Variants in C9orf85 observed in about 807,000 individuals in gnomAD.
The protein encoded by C9orf85 is chromosome 9 open reading frame 85.
A neutral mutation model predicts 14.9 loss-of-function variants in C9orf85; 16 were observed. The ratio of observed to expected loss-of-function variants is 1.08; its 90% CI spans 0.73 to 1.63. The LOEUF is 1.63. C9orf85 is among the 40% of genes most tolerant of loss of function. The pLI is 0.00. For synonymous variants in C9orf85, 45 were observed against 56.8 expected, an observed-to-expected ratio of 0.79 and a Z score of 0.93; for missense variants, 172 against 186.1, an observed-to-expected ratio of 0.92 and a Z score of 0.44.
chr9:71,930,160 A>G (rs944686782), intron 1 of C9orf85, among the ~76,000 whole-genome samples: 5 of 152,152 alleles, frequency 3.3e-5, no homozygotes, highest in Admixed American at 6.5e-5. Context: ...TAGATAAATA[A>G]TTCTTCCCTA....
In C9orf85 at chr9:71,936,205, C is replaced by T. The variant is rs572836203; in HGVS notation, c.103-10801C>T. On this transcript the variant is annotated intron_variant, in intron 1 of 3. Coordinates refer to ENST00000334731, the MANE Select transcript of C9orf85 (RefSeq NM_182505.5). ...TGTGAGGAGAAAAATGGGTATCTTGCCTGCAATCTGAGACATCAGAACTTC... is the reference window on the plus strand; with the variant it reads ...TGTGAGGAGAAAAATGGGTATCTTGTCTGCAATCTGAGACATCAGAACTTC... 3.3e-5 allele frequency among the ~76,000 whole-genome samples: 5 copies of T among 152,094 alleles called. No individual in the cohort carries two copies. In the South Asian group the frequency reaches 1.0e-3, roughly 32 times the overall value.
rs1324115441 is a variant in C9orf85 at position 71,923,461 on chromosome 9, T to A, written c.102+11625T>A. On this transcript the variant is annotated intron_variant, in intron 1 of 3. Transcript: ENST00000334731. ...TTTTATATTTTTAGTAGAGATGGGT[T>A]TTCTCCATGTTGGTCAGGTTGCTCT... Among the ~76,000 whole-genome samples, 6 of 152,120 alleles carry A rather than the reference T, an allele frequency of 3.9e-5. 1 individual carries two copies. Among genetic ancestry groups the A allele is most frequent in the African/African-American group, 1.4e-4 (6 of 41,418 alleles).
intron 1 of C9orf85, among the ~76,000 whole-genome samples, chr9:71,925,446 A>G (rs1827906700): frequency 6.6e-6 from 1 of 152,130 alleles, no homozygotes; most frequent in Admixed American, 6.5e-5. Context: ...TTTTTCCCCA[A>G]ATCTCAGTAA....
chr9:71,973,097 T>A lies in C9orf85; in HGVS notation c.*255T>A. The A allele has an allele frequency of 3.8e-5, 7 of 185,478 alleles. No homozygotes were observed. The highest frequency in any genetic ancestry group is 7.9e-5 in the Non-Finnish European group (7 of 89,024). 11.5% of individuals were successfully genotyped at this position (185,478 alleles called of 1,614,324 possible). On this transcript the variant is annotated 3_prime_UTR_variant, in exon 4 of 4. Transcript: ENST00000334731. ...GAGGCGGAGATTGAAGTGAGCTGAG[T>A]TCGTGCCATTACACTCCAGCCTGGG...
intron 1 of C9orf85, among the ~76,000 whole-genome samples, chr9:71,944,255 G>A (rs1332550183): frequency 1.3e-5 from 2 of 151,768 alleles, no homozygotes; most frequent in Non-Finnish European, 2.9e-5. Flanking sequence ...AAAGTTGTAG[G>A]AATGATGGCT....
chr9:71,972,114 ATATT>A (rs1460671933), intron 3 of C9orf85, among the ~76,000 whole-genome samples: 1 of 152,192 alleles, frequency 6.6e-6, no homozygotes, highest in Non-Finnish European at 1.5e-5. Context: ...AGAAAATAAA[ATATT>A]TATGTGTGAG....
Position 71,911,816 on chromosome 9 carries a change from G to A in C9orf85, c.82G>A (p.Asp28Asn), listed in dbSNP as rs370413052. Residue 28 changes from aspartate to asparagine, a missense_variant, in exon 1 of 4, where the codon GAT becomes AAT. Coordinates refer to ENST00000334731, the MANE Select transcript of C9orf85 (RefSeq NM_182505.5). Reference sequence around the variant, plus strand: ...GTTTAGCTTCAAAAATGACAAGTTCGATAAAAGTGTGCAGACCAAGGTAGG... The same window carrying A: ...GTTTAGCTTCAAAAATGACAAGTTCAATAAAAGTGTGCAGACCAAGGTAGG... ...NTFSFKNDKF[D>N]KSVQTKKINA... 8.7e-6 allele frequency: 14 copies of A among 1,614,094 alleles called. No homozygotes were observed. The highest frequency in any genetic ancestry group is 1.2e-5 in the Non-Finnish European group (14 of 1,179,988).
At chr9:71,943,424 A>G (rs1474507201) in intron 1 of C9orf85, among the ~76,000 whole-genome samples, 1 of 152,228 alleles carries the variant, frequency 6.6e-6, no homozygotes, top group Non-Finnish European at 1.5e-5. Context: ...CTTCTGTTAA[A>G]TGATACTTTA....
At chr9:71,968,937 A>G (rs547824388) in intron 2 of C9orf85, among the ~76,000 whole-genome samples, 4 of 151,904 alleles carry the variant, frequency 2.6e-5, no homozygotes, top group Admixed American at 1.3e-4. Flanking sequence ...GGCAGGAAAG[A>G]CGGTTATGGA....
At chr9:71,946,435 T>C (rs1431259693) in intron 1 of C9orf85, among the ~76,000 whole-genome samples, 1 of 152,178 alleles carries the variant, frequency 6.6e-6, no homozygotes, top group Non-Finnish European at 1.5e-5. Context: ...AATACACATA[T>C]CTTAACTGTG....
chr9:71,918,667 T>A (rs1210191102), intron 1 of C9orf85: 3 of 293,682 alleles, frequency 1.0e-5, no homozygotes, highest in African/African-American at 6.7e-5. Context: ...CATAGGAGTG[T>A]GAACCCTATT....
chr9:71,912,206 C>T (rs1221336775), intron 1 of C9orf85, among the ~76,000 whole-genome samples: 10 of 152,086 alleles, frequency 6.6e-5, no homozygotes, highest in Non-Finnish European at 2.9e-5. Context: ...CAAGTTTATG[C>T]AGCTACGATT....
rs1397187037 is a variant in C9orf85 at position 71,911,849 on chromosome 9, C to G, written c.102+13C>G. 1 of 1,609,104 alleles carries G rather than the reference C, an allele frequency of 6.2e-7. No individual in the cohort carries two copies. Among genetic ancestry groups the G allele is most frequent in the African/African-American group, 1.3e-5 (1 of 74,914 alleles). ...TGTGCAGACCAAGGTAGGAACCTGC[C>G]TGTTGCACCGTCTTTGACTCCAGGA... On this transcript the variant is annotated intron_variant, in intron 1 of 3. Coordinates refer to ENST00000334731, the MANE Select transcript of C9orf85 (RefSeq NM_182505.5).
At chr9:71,942,917 A>C (rs997407896) in intron 1 of C9orf85, among the ~76,000 whole-genome samples, 59 of 151,842 alleles carry the variant, frequency 3.9e-4, no homozygotes, top group Non-Finnish European at 6.3e-4. Flanking sequence ...AAAAAAAAAA[A>C]AGGAAGCAGC....
intron 1 of C9orf85, among the ~76,000 whole-genome samples, chr9:71,929,815 A>C (rs542522302): frequency 1.4e-5 from 2 of 147,704 alleles, no homozygotes; most frequent in South Asian, 4.5e-4. Context: ...AAGATCTAAA[A>C]AGCTATAGGA....
intron 2 of C9orf85, among the ~76,000 whole-genome samples, chr9:71,950,360 T>C (rs1344975831): frequency 1.2e-5 from 1 of 84,268 alleles, no homozygotes; most frequent in African/African-American, 4.8e-5. Context: ...TTTTACTGGA[T>C]ATACCTTTTG....
At chr9:71,971,994 AAG>A (rs1173350984) in intron 3 of C9orf85, among the ~76,000 whole-genome samples, 4 of 151,520 alleles carry the variant, frequency 2.6e-5, no homozygotes, top group African/African-American at 7.3e-5. Flanking sequence ...AAAAAAAAAA[AAG>A]AGATGATCCG....
At chr9:71,930,439 C>T (rs990508427) in intron 1 of C9orf85, among the ~76,000 whole-genome samples, 2 of 151,966 alleles carry the variant, frequency 1.3e-5, no homozygotes, top group Non-Finnish European at 2.9e-5. Context: ...TATTACTCTC[C>T]CGTTAATTAT....
At chr9:71,911,917 T>G (rs1476854345) in intron 1 of C9orf85, 81 bp downstream of exon 1, 4 of 1,275,742 alleles carry the variant, frequency 3.1e-6, no homozygotes, top group Non-Finnish European at 4.6e-6. Context: ...ATGAGAGGAG[T>G]CGGCTGGGGC....
Sources: allele counts gnomAD v4.1 joint callset (sites outside exome capture counted in the v4.1 genomes callset), GRCh38; gene constraint gnomAD v4.1.1; transcripts MANE v1.5; gene names NCBI Gene and HGNC (gene_info 2026-07-23, HGNC 2026-07-21).